The following MAP3K2 variants were observed in gnomAD, a reference collection of about 807,000 sequenced individuals.
The protein encoded by MAP3K2 is MAP/ERK kinase kinase 2.
A neutral mutation model predicts 80.3 loss-of-function variants in MAP3K2; 24 were observed. The ratio of observed to expected loss-of-function variants is 0.30; its 90% confidence interval spans 0.22 to 0.42. The LOEUF (loss-of-function observed/expected upper bound fraction) is 0.42, where lower values mean the gene tolerates loss of function less well. Ranked by LOEUF, MAP3K2 falls within the 10% of genes least tolerant of loss-of-function variation. MAP3K2 has a pLI of 1.00. For synonymous variants in MAP3K2, 244 were observed against 253.7 expected (o/e 0.96, Z 0.36); for missense variants, 608 against 750.1 (o/e 0.81, Z 2.21).
chr2:127,349,828 T>A (rs1686662020), intron 1 of MAP3K2, among the ~76,000 whole-genome samples: 2 of 152,136 alleles, frequency 1.3e-5, no homozygotes, highest in Non-Finnish European at 2.9e-5. Flanking sequence ...TTATTTAGTA[T>A]ATTCTCTTTC....
At chr2:127,324,144 T>C (rs1438625666) in intron 10 of MAP3K2, 30 bp downstream of exon 10, 3 of 1,433,820 alleles carry the variant, frequency 2.1e-6, no homozygotes, top group Non-Finnish European at 2.8e-6. Context: ...GACATAAACA[T>C]TTAAACATTT....
intron 1 of MAP3K2, among the ~76,000 whole-genome samples, chr2:127,345,613 C>T (rs1315516529): frequency 6.6e-6 from 1 of 152,066 alleles, no homozygotes; most frequent in East Asian, 1.9e-4. Flanking sequence ...CCAAGACAGA[C>T]CAAATATTAG....
Position 127,298,750 on chromosome 2 carries a change from AT to A in MAP3K2, c.*8828del, listed in dbSNP as rs1685533154. 1.3e-5 allele frequency: 2 copies of A among 152,262 alleles called. 1 individual carries two copies. The highest frequency in any genetic ancestry group is 4.1e-4 in the South Asian group (2 of 4,836). 9.4% of individuals were successfully genotyped at this position (152,262 alleles called of 1,614,324 possible). On this transcript the variant is annotated 3_prime_UTR_variant, in exon 17 of 17. Transcript: ENST00000682094. ...CATTCCATAGTCCAGAAGGTTACTT[AT>A]TAGAGTAAGCCTTTGCACCACAATC...
chr2:127,357,709 T>C (rs559447450), intron 1 of MAP3K2, among the ~76,000 whole-genome samples: 16 of 152,298 alleles, frequency 1.1e-4, no homozygotes, highest in African/African-American at 3.4e-4. Context: ...GTTAATTTTT[T>C]TTAAAGGGCT....
At position 127,365,116 on chromosome 2, in the gene MAP3K2, C is replaced by CAAAAAAAAAAAAA. The variant is rs10558890; in HGVS notation, c.-65-21935_-65-21923dup. On this transcript the variant is annotated intron_variant, in intron 1 of 16. Transcript: ENST00000682094. ...TGGGCGACAGAGTGAGACTCTGCCT[C>CAAAAAAAAAAAAA]AAAAAAAAAAAAAAAAAAAAAAAAA... Among the ~76,000 whole-genome samples, 22 of 31,654 alleles carry CAAAAAAAAAAAAA rather than the reference C, an allele frequency of 7.0e-4. 3 individuals are homozygous for CAAAAAAAAAAAAA. The highest frequency in any genetic ancestry group is 2.2e-3 in the South Asian group (1 of 446). The allele number at this position is 31,654 out of a possible 152,430, so 20.8% of individuals were successfully genotyped here.
chr2:127,327,559 T>C (rs1441788766), intron 7 of MAP3K2, among the ~76,000 whole-genome samples: 1 of 141,124 alleles, frequency 7.1e-6, no homozygotes, highest in African/African-American at 2.5e-5. Context: ...TAAAAGGAGA[T>C]AGGACCAAAA....
At chr2:127,359,563 C>A (rs1470754908) in intron 1 of MAP3K2, among the ~76,000 whole-genome samples, 1 of 152,188 alleles carries the variant, frequency 6.6e-6, no homozygotes, top group Non-Finnish European at 1.5e-5. Context: ...CAAAGGTAAA[C>A]ATGCACCTAC....
chr2:127,302,683 A>G lies in MAP3K2; in HGVS notation c.*4896T>C, dbSNP rs896523876. ...GTATTGTAACTCTACCATGAAAATC[A>G]TAACTGAACTATAATATGCCAAGAA... On this transcript the variant is annotated 3_prime_UTR_variant, in exon 17 of 17. Transcript: ENST00000682094. The G allele has an allele frequency of 2.6e-5, 4 of 152,168 alleles. No individual in the cohort carries two copies. Among genetic ancestry groups the G allele is most frequent in the African/African-American group, 9.7e-5 (4 of 41,448 alleles). 9.4% of individuals were successfully genotyped at this position (152,168 alleles called of 1,614,324 possible).
chr2:127,338,395 G>A (rs961471608), intron 3 of MAP3K2, among the ~76,000 whole-genome samples: 3 of 152,176 alleles, frequency 2.0e-5, no homozygotes, highest in East Asian at 1.9e-4. Context: ...GTAAACTCAC[G>A]TCACGGGGAG....
At position 127,325,755 on chromosome 2, in the gene MAP3K2, C is replaced by A; in HGVS notation, c.650G>T (p.Cys217Phe). 4.3e-6 allele frequency: 7 copies of A among 1,613,394 alleles called. No individual in the cohort carries two copies. The highest frequency in any genetic ancestry group is 5.9e-6 in the Non-Finnish European group (7 of 1,179,522). Residue 217 changes from cysteine (C) to phenylalanine (F), a missense_variant, in exon 9 of 17, where the codon TGT becomes TTT. This residue lies in a region of MAP3K2 where 467 missense variants were observed against 521.9 expected (regional missense o/e 0.89). Coordinates refer to ENST00000682094, the MANE Select transcript of MAP3K2 (RefSeq NM_001371910.2). The part of the protein sequence containing the change: ...SSPENSGSGS[C>F]PSLDSPLDGE... Reference sequence around the variant, plus strand: ...ATCCAAAGGACTATCAAGTGATGGACAACTTCCTGAGCCAGAATTTTCAGG... The same window carrying A: ...ATCCAAAGGACTATCAAGTGATGGAAAACTTCCTGAGCCAGAATTTTCAGG...
At chr2:127,309,484 A>G (rs185547169) in intron 15 of MAP3K2, among the ~76,000 whole-genome samples, 1 of 152,314 alleles carries the variant, frequency 6.6e-6, no homozygotes, top group East Asian at 1.9e-4. Flanking sequence ...ATTTGCCACA[A>G]TTAATAAACC....
At chr2:127,343,390 T>C (rs1357852815) in intron 1 of MAP3K2, among the ~76,000 whole-genome samples, 196 bp from the exon 2 acceptor site, 2 of 152,160 alleles carry the variant, frequency 1.3e-5, no homozygotes, top group African/African-American at 2.4e-5. Flanking sequence ...ATACCAAAAT[T>C]CCAGACTCCC....
chr2:127,323,362 G>A (rs527612913), intron 11 of MAP3K2, among the ~76,000 whole-genome samples: 1 of 147,628 alleles, frequency 6.8e-6, no homozygotes, highest in East Asian at 2.0e-4. Context: ...CTCTGTCTCA[G>A]GGGAAAAAAA....
At chr2:127,349,483 T>C (rs1305631839) in intron 1 of MAP3K2, among the ~76,000 whole-genome samples, 1 of 152,118 alleles carries the variant, frequency 6.6e-6, no homozygotes, top group African/African-American at 2.4e-5. Context: ...CCCTTCATCA[T>C]GCCTATCAGT....
rs558597549 is a variant in MAP3K2, at chr2:127,350,714, C to A, written c.-65-7520G>T. The stretch of plus-strand genomic sequence containing the variant: ...GAATGAGTTACTTAGTTTCAACACA[C>A]CATCTCCAAAAAATAATCATTTCCA... On this transcript the variant is annotated intron_variant, in intron 1 of 16. Transcript: ENST00000682094. Among the ~76,000 whole-genome samples, 6 of 151,844 alleles carry A rather than the reference C, an allele frequency of 4.0e-5. No individual in the cohort carries two copies. In the South Asian group the frequency reaches 8.3e-4, roughly 21 times the overall value.
At chr2:127,367,335 ATAT>A (rs952848339) in intron 1 of MAP3K2, among the ~76,000 whole-genome samples, 1 of 152,206 alleles carries the variant, frequency 6.6e-6, no homozygotes, top group African/African-American at 2.4e-5. Context: ...ATACAATAAG[ATAT>A]TATTAACTTT....
rs180906002 is a variant in MAP3K2, at chr2:127,323,140, G to A, written c.838+762C>T. ...AATTAGGCCGGGCACGGTGGCTCAC[G>A]CCTGTAATCCTAGCACTTTGGGAGG... On this transcript the variant is annotated intron_variant, in intron 11 of 16. Transcript: ENST00000682094. 2.4e-3 allele frequency among the ~76,000 whole-genome samples: 351 copies of A among 148,600 alleles called. 1 individual carries two copies. The highest frequency in any genetic ancestry group is 7.8e-3 in the African/African-American group (314 of 40,432).
chr2:127,329,366 C>CTTTT (rs10625897), intron 7 of MAP3K2, among the ~76,000 whole-genome samples: 141,827 of 146,446 alleles, frequency 0.97, 68,787 homozygotes, highest in South Asian at 1. Flanking sequence ...CAATTAAAAC[C>CTTTT]TTTTTTTTTG....
In MAP3K2 at chr2:127,305,029, C is replaced by T. The variant is rs1685669211; in HGVS notation, c.*2550G>A. 1 of 152,386 alleles carries T rather than the reference C, an allele frequency of 6.6e-6. No individual in the cohort carries two copies. Among genetic ancestry groups the T allele is most frequent in the Non-Finnish European group, 1.5e-5 (1 of 67,994 alleles). The allele number at this position is 152,386 out of a possible 1,614,324, so 9.4% of individuals were successfully genotyped here. The stretch of plus-strand genomic sequence containing the variant: ...CACAGCAGTGTTAAAGTAGTAGTTT[C>T]TTTTCAGGTGCCTTTATTTTCTATA... On this transcript the variant is annotated 3_prime_UTR_variant, in exon 17 of 17. Coordinates refer to ENST00000682094, the MANE Select transcript of MAP3K2 (RefSeq NM_001371910.2).
Sources: gnomAD v4.1 joint callset for allele counts (sites outside exome capture counted in the v4.1 genomes callset) on GRCh38, gnomAD v4.1.1 for gene constraint, gnomAD v4.1.1 regional missense constraint, MANE v1.5 for transcripts, NCBI Gene and HGNC (gene_info 2026-07-23, HGNC 2026-07-21) for gene names.